The following TRAPPC9 variants were observed in gnomAD, a reference collection of about 807,000 sequenced individuals.
The protein encoded by TRAPPC9 is trafficking protein particle complex subunit 9, also known as IKK2 binding protein.
Under a neutral mutation model 124.0 loss-of-function variants are expected in TRAPPC9, and 83 were observed. That is an observed-to-expected ratio of 0.67 (90% CI 0.56 to 0.80). TRAPPC9 has a LOEUF of 0.80. Ranked by LOEUF, TRAPPC9 falls within the 30% of genes least tolerant of loss-of-function variation. The probability of loss-of-function intolerance (pLI) is 0.00; values close to 1 mark genes in which losing one functional copy is unlikely to be tolerated. For synonymous variants in TRAPPC9, 638 were observed against 617.5 expected, an observed-to-expected ratio of 1.03 and a Z score of -0.49; for missense variants, 1,302 against 1,508.3, an observed-to-expected ratio of 0.86 and a Z score of 2.27.
intron 9 of TRAPPC9, among the ~76,000 whole-genome samples, chr8:140,347,992 C>G (rs1350335258): frequency 7.9e-5 from 12 of 152,240 alleles, no homozygotes; most frequent in Admixed American, 7.9e-4. Flanking sequence ...CACCAGGGAC[C>G]AGGAGCACTG....
chr8:139,757,801 C>T (rs529962912), intron 21 of TRAPPC9, among the ~76,000 whole-genome samples: 10 of 152,232 alleles, frequency 6.6e-5, no homozygotes, highest in South Asian at 6.2e-4. Context: ...ACAGTTCTCA[C>T]GCTTAGTAGG....
intron 18 of TRAPPC9, among the ~76,000 whole-genome samples, chr8:140,020,064 C>T (rs1839738471): frequency 6.6e-6 from 1 of 152,118 alleles, no homozygotes; most frequent in Non-Finnish European, 1.5e-5. Flanking sequence ...CTTTTAATGT[C>T]TGTGGAATTA....
rs762343982 is a variant in TRAPPC9 at position 140,300,606 on chromosome 8, T to G, written c.1631A>C (p.Lys544Thr). 11 of 1,614,220 alleles carry G rather than the reference T, an allele frequency of 6.8e-6. No individual in the cohort carries two copies. ...GAGGCTAGCAGGAAGGTTCAATAGT[T>G]TCACATGCCTGTTGTTTCAAACAGA... is the stretch of plus-strand genomic sequence containing the variant. ...FTKLPIVRHV[K>T]LLNLPASLRP... Residue 544 changes from lysine (K) to threonine (T), a missense_variant, in exon 11 of 23, where the codon AAA (lysine) becomes ACA (threonine). Transcript: ENST00000438773.
intron 17 of TRAPPC9, among the ~76,000 whole-genome samples, chr8:140,083,607 T>C (rs1002858919): frequency 3.9e-5 from 6 of 152,188 alleles, no homozygotes; most frequent in African/African-American, 1.4e-4. Context: ...TCTATTTGTG[T>C]AAACTGGAGA....
At position 140,157,177 on chromosome 8, in the gene TRAPPC9, CAAA is replaced by C. The variant is rs1215589686; in HGVS notation, c.2556+64279_2556+64281del. Among the ~76,000 whole-genome samples, 21 of 96,694 alleles carry C rather than the reference CAAA, an allele frequency of 2.2e-4. 4 individuals are homozygous for C. Among genetic ancestry groups the C allele is most frequent in the African/African-American group, 8.1e-4 (19 of 23,494 alleles). 63.4% of individuals were successfully genotyped at this position (96,694 alleles called of 152,430 possible). ...CATTCAGAAGCCTCCCTTTTCCATTCAAAAGCCTCCCTTTTCCATTCAAAAGCC... is the reference window on the plus strand; with the variant it reads ...CATTCAGAAGCCTCCCTTTTCCATTCAGCCTCCCTTTTCCATTCAAAAGCC... On this transcript the variant is annotated intron_variant, in intron 17 of 22. Transcript: ENST00000438773.
At chr8:139,965,207 C>T (rs1429397531) in intron 19 of TRAPPC9, among the ~76,000 whole-genome samples, 1 of 152,210 alleles carries the variant, frequency 6.6e-6, no homozygotes, top group Admixed American at 6.5e-5. Context: ...TAGCACAGTG[C>T]TTTGCACGTT....
At chr8:140,304,460 G>A (rs969894282) in intron 10 of TRAPPC9, among the ~76,000 whole-genome samples, 1 of 152,020 alleles carries the variant, frequency 6.6e-6, no homozygotes, top group Non-Finnish European at 1.5e-5. Context: ...GAAGTGTTTG[G>A]TTGATATATG....
chr8:139,759,479 G>A lies in TRAPPC9; in HGVS notation c.3056-27277C>T, dbSNP rs1052227073. On this transcript the variant is annotated intron_variant, in intron 21 of 22. Coordinates refer to ENST00000438773, the MANE Select transcript of TRAPPC9 (RefSeq NM_001160372.4). Reference sequence around the variant, plus strand: ...CTGGTGTCCTGGGCTGTGCCACGTGGGCGGTGCTGAAATGCCAGGACTGCT... The same window carrying A: ...CTGGTGTCCTGGGCTGTGCCACGTGAGCGGTGCTGAAATGCCAGGACTGCT... Among the ~76,000 whole-genome samples, 5 of 152,164 alleles carry A rather than the reference G, an allele frequency of 3.3e-5. No homozygotes were observed. The East Asian group carries it at 9.6e-4, about 29-fold the overall frequency.
At chr8:140,101,850 T>A (rs1297118577) in intron 17 of TRAPPC9, among the ~76,000 whole-genome samples, 3 of 151,790 alleles carry the variant, frequency 2.0e-5, no homozygotes, top group African/African-American at 7.3e-5. Context: ...TGGTTTTTTG[T>A]TTATTTTTTG....
At chr8:139,992,886 A>T (rs1365775300) in intron 18 of TRAPPC9, among the ~76,000 whole-genome samples, 2 of 152,112 alleles carry the variant, frequency 1.3e-5, no homozygotes, top group African/African-American at 4.8e-5. Context: ...ACCTCACATC[A>T]TATATAAAAA....
At chr8:140,039,647 C>G (rs1318311904) in intron 17 of TRAPPC9, 1 of 152,176 alleles carries the variant, frequency 6.6e-6, no homozygotes, top group African/African-American at 2.4e-5. Context: ...TGATAAAAAA[C>G]TTGATGTATG....
intron 18 of TRAPPC9, among the ~76,000 whole-genome samples, chr8:140,014,265 G>A (rs1257963411): frequency 1.3e-5 from 2 of 152,128 alleles, no homozygotes; most frequent in Non-Finnish European, 2.9e-5. Context: ...TGCTCCTCAG[G>A]AGAGAGGGAG....
intron 8 of TRAPPC9, 50 bp from the exon 9 acceptor site, chr8:140,360,243 G>A: frequency 6.2e-7 from 1 of 1,611,994 alleles, no homozygotes; most frequent in Non-Finnish European, 8.5e-7. Context: ...GAGGGTACAG[G>A]AAATACGGTT....
intron 21 of TRAPPC9, among the ~76,000 whole-genome samples, chr8:139,741,613 C>T (rs984538835): frequency 2.6e-5 from 4 of 152,168 alleles, no homozygotes; most frequent in South Asian, 4.1e-4. Flanking sequence ...AGCCCGTTTT[C>T]GAACATCTCC....
chr8:139,993,730 C>T (rs573742585), intron 18 of TRAPPC9, among the ~76,000 whole-genome samples: 16 of 152,190 alleles, frequency 1.1e-4, no homozygotes, highest in African/African-American at 3.6e-4. Context: ...GAACTATATG[C>T]CCCACCACAG....
At chr8:140,054,374 A>G (rs1010977876) in intron 17 of TRAPPC9, among the ~76,000 whole-genome samples, 2 of 152,188 alleles carry the variant, frequency 1.3e-5, no homozygotes, top group African/African-American at 4.8e-5. Context: ...AGACAAACAA[A>G]AACAAAAAAA....
intron 10 of TRAPPC9, chr8:140,302,673 A>G (rs2066015101): frequency 6.6e-6 from 1 of 152,272 alleles, no homozygotes; most frequent in Non-Finnish European, 1.5e-5. Context: ...ATGACAGTCA[A>G]CAACCACTCA....
At chr8:139,830,424 T>C (rs1297593437) in intron 21 of TRAPPC9, among the ~76,000 whole-genome samples, 2 of 151,416 alleles carry the variant, frequency 1.3e-5, no homozygotes, top group Non-Finnish European at 2.9e-5. Context: ...CAAATGAGCA[T>C]ATGCACGCAA....
intron 21 of TRAPPC9, among the ~76,000 whole-genome samples, chr8:139,817,786 T>C (rs1397061746): frequency 3.9e-5 from 6 of 152,172 alleles, no homozygotes; most frequent in South Asian, 2.1e-4. Flanking sequence ...GATGGTGAAA[T>C]AGAGGCAACT....
Sources: allele counts gnomAD v4.1 joint callset (sites outside exome capture counted in the v4.1 genomes callset), GRCh38; gene constraint gnomAD v4.1.1; transcripts MANE v1.5; gene names NCBI Gene and HGNC (gene_info 2026-07-23, HGNC 2026-07-21).